Variants in MGA observed in about 807,000 individuals in gnomAD.
MGA encodes the protein MAX gene-associated protein.
Under a neutral mutation model 261.1 loss-of-function variants are expected in MGA, and 40 were observed. The ratio of observed to expected loss-of-function variants is 0.15; its 90% CI spans 0.12 to 0.20. MGA has a LOEUF of 0.20. Ranked by LOEUF, MGA falls within the 10% of genes least tolerant of loss-of-function variation. MGA has a pLI of 1.00. For missense variants in MGA, 3,397 were observed against 3,630.5 expected (o/e 0.94, Z 1.65); for synonymous variants, 1,302 against 1,290.6 (o/e 1.01, Z -0.19).
intron 2 of MGA, among the ~76,000 whole-genome samples, chr15:41,686,014 A>T (rs971632878): frequency 1.2e-4 from 18 of 149,290 alleles, no homozygotes; most frequent in African/African-American, 3.9e-4. Context: ...CAAAAAAAAA[A>T]AAAAATAATA....
intron 9 of MGA, among the ~76,000 whole-genome samples, chr15:41,722,122 ATTTTTTTT>A (rs35690314): frequency 1.1e-5 from 1 of 87,738 alleles, no homozygotes; most frequent in African/African-American, 4.8e-5. Flanking sequence ...AAGTAGGCCA[ATTTTTTTT>A]TTTTTTTTTT....
At chr15:41,699,221 C>T (rs1388787537) in intron 5 of MGA, 62 bp downstream of exon 5, 14 of 1,014,168 alleles carry the variant, frequency 1.4e-5, no homozygotes, top group Admixed American at 6.5e-5. Context: ...TACTGTTTCT[C>T]CTCTTTTTCC....
At position 41,696,659 on chromosome 15, in the gene MGA, A is replaced by T; in HGVS notation, c.1649A>T (p.Gln550Leu). The T allele has an allele frequency of 3.1e-6, 5 of 1,613,116 alleles. No homozygotes were observed. Among genetic ancestry groups the T allele is most frequent in the Non-Finnish European group, 4.2e-6 (5 of 1,179,462 alleles). Residue 550 changes from glutamine to leucine, a missense_variant, in exon 3 of 24, where the codon CAG (glutamine) becomes CTG (leucine). Gln to Leu is a moderately radical substitution (Grantham distance 113). Transcript: ENST00000219905. The stretch of plus-strand genomic sequence containing the variant: ...AAATATCCCTTACTGAAAGAGCCTC[A>T]GTGGAAATATCCTGATATATCTGAC...
chr15:41,724,608 C>T (rs1398416429), intron 9 of MGA, among the ~76,000 whole-genome samples: 1 of 152,132 alleles, frequency 6.6e-6, no homozygotes, highest in Non-Finnish European at 1.5e-5. Context: ...TCTCTTGAGT[C>T]AGGGAGGCCA....
intron 1 of MGA, among the ~76,000 whole-genome samples, chr15:41,662,210 G>A (rs2057455686): frequency 6.6e-6 from 1 of 152,160 alleles, no homozygotes; most frequent in African/African-American, 2.4e-5. Flanking sequence ...GAAATTCAGT[G>A]CCCTGGGTAC....
intron 2 of MGA, chr15:41,684,569 A>G (rs766655040): frequency 3.0e-4 from 92 of 310,784 alleles, no homozygotes; most frequent in Non-Finnish European, 1.2e-4. Flanking sequence ...TCAATTTCTC[A>G]GGAAGATGTG....
rs2063167662 is a variant in MGA, at chr15:41,756,693, A to AT, written c.7140-1093dup. ...TGGAATACTATATAACTATATAACA[A>AT]TTAAAACAATTGGAATTGGAACTCT... On this transcript the variant is annotated intron_variant, in intron 18 of 23. Coordinates refer to ENST00000219905, the MANE Select transcript of MGA (RefSeq NM_001164273.2). Among the ~76,000 whole-genome samples the AT allele has an allele frequency of 2.0e-5, 3 of 152,212 alleles. No homozygotes were observed. The South Asian group carries it at 6.2e-4, about 32-fold the overall frequency.
chr15:41,710,887 G>A lies in MGA; in HGVS notation c.2622G>A (p.Lys874=), dbSNP rs768334325. 6.2e-7 allele frequency: 1 copy of A among 1,613,838 alleles called. No homozygotes were observed. The highest frequency in any genetic ancestry group is 1.6e-4 in the Middle Eastern group (1 of 6,062). ...GAACACTTGATAGTGTACTAAAGAA[G>A]CAATCTACTATTTCCCCTTCTACCT... is the stretch of plus-strand genomic sequence containing the variant. The change falls in exon 8 of 24, where the codon AAG becomes AAA. Residue 874 remains lysine, a synonymous_variant. Coordinates refer to ENST00000219905, the MANE Select transcript of MGA (RefSeq NM_001164273.2).
chr15:41,745,254 A>G (rs1022918599), intron 15 of MGA, among the ~76,000 whole-genome samples: 1 of 139,488 alleles, frequency 7.2e-6, no homozygotes, highest in African/African-American at 2.6e-5. Context: ...AAATCCCCCT[A>G]TGCGAGAAAC....
At chr15:41,713,577 T>TGGCTCACGCCTG in intron 9 of MGA, 81 bp downstream of exon 9, 3 of 1,395,320 alleles carry the variant, frequency 2.2e-6, no homozygotes, top group South Asian at 1.5e-5. Context: ...ACAACCTACC[T>TGGCTCACGCCTG]TAATCCCGAT....
At chr15:41,684,317 G>T (rs1043427163) in intron 2 of MGA, 5 of 430,874 alleles carry the variant, frequency 1.2e-5, no homozygotes, top group African/African-American at 2.0e-5. Context: ...AGTGTTATTT[G>T]TTGCATTGAT....
At chr15:41,657,837 G>T (rs2057238441), upstream of MGA, among the ~76,000 whole-genome samples, 1 of 152,118 alleles carries the variant, frequency 6.6e-6, no homozygotes, top group Non-Finnish European at 1.5e-5. Context: ...CTTTTTGTCA[G>T]TTGACAGAGG....
chr15:41,737,850 C>T (rs192954014), intron 13 of MGA, among the ~76,000 whole-genome samples: 9 of 151,738 alleles, frequency 5.9e-5, no homozygotes, highest in Admixed American at 1.3e-4. Context: ...CGTGGTGGCG[C>T]GCGCCTGTAA....
chr15:41,740,745 G>A (rs2062044395), intron 14 of MGA, among the ~76,000 whole-genome samples: 2 of 152,164 alleles, frequency 1.3e-5, no homozygotes, highest in Admixed American at 6.5e-5. Flanking sequence ...AAAGCTAGTG[G>A]TGTAAGTAGT....
In MGA at chr15:41,748,880, GCTCTAATACCCAGCC is replaced by G. The variant is rs770626551; in HGVS notation, c.5458_5472del (p.Ser1820_Pro1824del). On this transcript the variant is annotated inframe_deletion, in exon 16 of 24. Coordinates refer to ENST00000219905, the MANE Select transcript of MGA (RefSeq NM_001164273.2). ...CTTCTACCTTTGCATCAGCTTCGAG[GCTCTAATACCCAGCC>G]CAACTTACAGCCTGTCATGTTTCGG... is the stretch of plus-strand genomic sequence containing the variant. The G allele has an allele frequency of 2.0e-5, 33 of 1,613,814 alleles. No homozygotes were observed. The highest frequency in any genetic ancestry group is 5.1e-6 in the Non-Finnish European group (6 of 1,179,884).
In MGA at chr15:41,766,108, C is replaced by G. The variant is rs1171419846; in HGVS notation, c.8026C>G (p.Pro2676Ala). 2 of 1,613,854 alleles carry G rather than the reference C, an allele frequency of 1.2e-6. No homozygotes were observed. The highest frequency in any genetic ancestry group is 1.7e-6 in the Non-Finnish European group (2 of 1,179,876). Reference sequence around the variant, plus strand: ...TGGCAGCAAATATCCTCATGAAGTTCCTGATAGCAAGCCATCTGACCATCT... The same window carrying G: ...TGGCAGCAAATATCCTCATGAAGTTGCTGATAGCAAGCCATCTGACCATCT... Residue 2676 changes from proline (P) to alanine (A), a missense_variant, in exon 24 of 24, where the codon CCT (proline) becomes GCT (alanine). By Grantham distance (27) the Pro-to-Ala change is conservative. Coordinates refer to ENST00000219905, the MANE Select transcript of MGA (RefSeq NM_001164273.2).
intron 5 of MGA, among the ~76,000 whole-genome samples, chr15:41,699,493 ATG>A (rs10637801): frequency 1.3e-5 from 2 of 151,022 alleles, no homozygotes; most frequent in Admixed American, 6.6e-5. Context: ...GCTTTTGTTT[ATG>A]TGTGTGTGTG....
chr15:41,640,552 C>G (rs1450225012), intron 1 of MGA, among the ~76,000 whole-genome samples: 4 of 151,884 alleles, frequency 2.6e-5, no homozygotes, highest in Admixed American at 2.6e-4. Flanking sequence ...TGGAATCTCG[C>G]TCTGTCGCCC....
chr15:41,705,211 C>T (rs2060045852), intron 5 of MGA, among the ~76,000 whole-genome samples: 1 of 152,098 alleles, frequency 6.6e-6, no homozygotes, highest in South Asian at 2.1e-4. Context: ...GTGATCTGCC[C>T]ACCTCAACCT....
Sources: allele counts gnomAD v4.1 joint callset (sites outside exome capture counted in the v4.1 genomes callset), GRCh38; gene constraint gnomAD v4.1.1; transcripts MANE v1.5; gene names NCBI Gene and HGNC (gene_info 2026-07-23, HGNC 2026-07-21).